The following CDK12 variants were observed in gnomAD, a reference collection of about 807,000 sequenced individuals.
The protein encoded by CDK12 is cyclin dependent kinase 12, also known as cyclin-dependent kinase 12.
Under a neutral mutation model 133.8 loss-of-function variants are expected in CDK12, and 17 were observed. The ratio of observed to expected loss-of-function variants is 0.13; its 90% confidence interval spans 0.09 to 0.19. The LOEUF is 0.19. CDK12 is among the 10% of genes least tolerant of loss of function. The pLI, the probability that CDK12 is intolerant of heterozygous loss-of-function variation, is 1.00. For missense variants in CDK12, 1,508 were observed against 1,818.7 expected (o/e 0.83, Z 3.11); for synonymous variants, 694 against 683.6 (o/e 1.02, Z -0.24).
chr17:39,530,441 A>G (rs991283539), intron 13 of CDK12, 163 bp from the exon 14 acceptor site: 8 of 987,960 alleles, frequency 8.1e-6, no homozygotes, highest in Non-Finnish European at 1.1e-5. Flanking sequence ...ACTTTTAATC[A>G]CTTGATTTAT....
intron 2 of CDK12, among the ~76,000 whole-genome samples, chr17:39,479,026 T>C (rs2050427600): frequency 6.6e-6 from 1 of 151,708 alleles, no homozygotes; most frequent in Non-Finnish European, 1.5e-5. Context: ...AGAAATCTAA[T>C]GGCCGGGTGC....
intron 4 of CDK12, among the ~76,000 whole-genome samples, chr17:39,493,166 G>GTTTTTTT (rs201228796): frequency 1.5e-5 from 2 of 132,494 alleles, no homozygotes; most frequent in Non-Finnish European, 3.1e-5. Context: ...ACTAATTTTT[G>GTTTTTTT]TTTTTTTTTT....
Position 39,516,467 on chromosome 17 carries a change from CCACCTTACCCTCCTGAGTAGCTTGGACTA to C in CDK12, c.2846+665_2846+693del, listed in dbSNP as rs370662629. 4.2e-3 allele frequency among the ~76,000 whole-genome samples: 637 copies of C among 151,452 alleles called. 7 individuals are homozygous for C. The highest frequency in any genetic ancestry group is 0.015 in the African/African-American group (606 of 41,234). The stretch of plus-strand genomic sequence containing the variant: ...AAACTCCTGCACTCAAGTGATCCTC[CCACCTTACCCTCCTGAGTAGCTTGGACTA>C]CACCTGTAGTCCCAGCTATTTTTCG... On this transcript the variant is annotated intron_variant, in intron 9 of 13. Transcript: ENST00000447079.
Position 39,501,190 on chromosome 17 carries a change from A to G in CDK12, c.2420-60A>G, listed in dbSNP as rs1362771430. Reference sequence around the variant, plus strand: ...CCAAAATTATATTAGGACTTGAGGCATTGTTATTTCAGCATTCTTTTTTTT... The same window carrying G: ...CCAAAATTATATTAGGACTTGAGGCGTTGTTATTTCAGCATTCTTTTTTTT... On this transcript the variant is annotated intron_variant, in intron 5 of 13. Transcript: ENST00000447079. 25 of 1,235,994 alleles carry G rather than the reference A, an allele frequency of 2.0e-5. No homozygotes were observed. The East Asian group carries it at 6.0e-4, about 30-fold the overall frequency. 76.6% of individuals were successfully genotyped at this position (1,235,994 alleles called of 1,614,324 possible).
intron 6 of CDK12, among the ~76,000 whole-genome samples, chr17:39,503,504 T>A (rs1187395011): frequency 6.6e-6 from 1 of 152,208 alleles, no homozygotes; most frequent in Non-Finnish European, 1.5e-5. Flanking sequence ...TTCTGGCCTA[T>A]AGTATAATAT....
At chr17:39,513,059 A>T (rs1226707697) in intron 8 of CDK12, among the ~76,000 whole-genome samples, 2 of 152,188 alleles carry the variant, frequency 1.3e-5, no homozygotes, top group African/African-American at 4.8e-5. Flanking sequence ...TTTGGTTCCA[A>T]GCTTGTCCTG....
chr17:39,510,062 A>T (rs1257667472), intron 7 of CDK12, among the ~76,000 whole-genome samples: 1 of 150,588 alleles, frequency 6.6e-6, no homozygotes, highest in African/African-American at 2.4e-5. Context: ...TCAGCCTCCC[A>T]AAGTGCCGGG....
intron 6 of CDK12, among the ~76,000 whole-genome samples, chr17:39,503,218 G>T (rs2052856128): frequency 6.6e-6 from 1 of 152,092 alleles, no homozygotes; most frequent in Admixed American, 6.6e-5. Flanking sequence ...GATTACAGGT[G>T]CCCACCACCA....
In CDK12 at chr17:39,481,789, C is replaced by T. The variant is rs149402853; in HGVS notation, c.1932-8768C>T. Among the ~76,000 whole-genome samples the T allele has an allele frequency of 5.0e-3, 764 of 151,388 alleles. 6 individuals are homozygous for T. The highest frequency in any genetic ancestry group is 0.01 in the Middle Eastern group (3 of 294). On this transcript the variant is annotated intron_variant, in intron 2 of 13. Coordinates refer to ENST00000447079, the MANE Select transcript of CDK12 (RefSeq NM_016507.4). Reference sequence around the variant, plus strand: ...AGGCTGGACTGCGATGGCACTATCTCGGCACACTGCAACCTCCGCCTCCCG... The same window carrying T: ...AGGCTGGACTGCGATGGCACTATCTTGGCACACTGCAACCTCCGCCTCCCG...
rs146164549 is a variant in CDK12, at chr17:39,552,040, T to C, written n.356+898T>C. 2.8e-3 allele frequency among the ~76,000 whole-genome samples: 429 copies of C among 152,080 alleles called. 2 individuals are homozygous for C. The Middle Eastern group carries it at 0.061, about 22-fold the overall frequency. On this transcript the variant is annotated intron_variant and non_coding_transcript_variant, in intron 2 of 3. Coordinates refer to the CDK12 transcript ENST00000558240. ...CCCCCACCCAAGAGTTGCCTTCTCT[T>C]CCCCATTTTATATCCCCAAATCCCC...
chr17:39,473,130 C>A (rs759910597), intron 2 of CDK12, among the ~76,000 whole-genome samples: 41 of 151,690 alleles, frequency 2.7e-4, no homozygotes, highest in Non-Finnish European at 1.9e-4. Context: ...GTCCCAGTAG[C>A]CCCCAAAATG....
At chr17:39,506,446 C>A (rs2053134891) in intron 6 of CDK12, among the ~76,000 whole-genome samples, 1 of 151,490 alleles carries the variant, frequency 6.6e-6, no homozygotes, top group Non-Finnish European at 1.5e-5. Context: ...AAACCTCTGA[C>A]CTCAAGTGAT....
chr17:39,500,374 T>A (rs1437055972), intron 5 of CDK12, among the ~76,000 whole-genome samples: 1 of 151,146 alleles, frequency 6.6e-6, no homozygotes, highest in Non-Finnish European at 1.5e-5. Flanking sequence ...GGCTGACGCC[T>A]GTAATCCCAA....
intron 6 of CDK12, among the ~76,000 whole-genome samples, chr17:39,506,762 A>G (rs1015347173): frequency 1.4e-4 from 22 of 152,318 alleles, no homozygotes; most frequent in Middle Eastern, 3.4e-3. Context: ...TCTTCTCAAA[A>G]GGCAAAAATG....
chr17:39,519,636 CT>C (rs1410279514), intron 10 of CDK12, among the ~76,000 whole-genome samples: 2 of 150,152 alleles, frequency 1.3e-5, no homozygotes, highest in East Asian at 3.9e-4. Flanking sequence ...GTTGCCCAGG[CT>C]GCAATGCAGT....
chr17:39,495,022 G>T (rs1598043932), intron 5 of CDK12, among the ~76,000 whole-genome samples: 1 of 151,252 alleles, frequency 6.6e-6, no homozygotes, highest in African/African-American at 2.4e-5. Flanking sequence ...CCGCCCGCCT[G>T]GGCCTCCCAA....
rs2054875873 is a variant in CDK12 at position 39,532,068 on chromosome 17, T to C, written c.*752T>C. ...GTAGGTAGACTTTACCCAGTCTCTT[T>C]CCTTTTTTGCTGATGTGTGCTCTCT... On this transcript the variant is annotated 3_prime_UTR_variant, in exon 14 of 14. Coordinates refer to ENST00000447079, the MANE Select transcript of CDK12 (RefSeq NM_016507.4). 4.4e-6 allele frequency: 1 copy of C among 229,088 alleles called. No homozygotes were observed. Among genetic ancestry groups the C allele is most frequent in the African/African-American group, 2.3e-5 (1 of 43,338 alleles). The allele number at this position is 229,088 out of a possible 1,614,324, so 14.2% of individuals were successfully genotyped here.
At chr17:39,495,384 GTTTTTTTTTT>G (rs60185847) in intron 5 of CDK12, among the ~76,000 whole-genome samples, 4 of 110,694 alleles carry the variant, frequency 3.6e-5, no homozygotes, top group East Asian at 2.6e-4. Flanking sequence ...GGCCTCATGT[GTTTTTTTTTT>G]TTTTTTTTTT....
intron 10 of CDK12, among the ~76,000 whole-genome samples, chr17:39,519,058 C>T (rs1299397178): frequency 1.3e-5 from 2 of 151,230 alleles, no homozygotes; most frequent in Non-Finnish European, 2.9e-5. Flanking sequence ...CGTGCCACCA[C>T]ACCCAGCTAA....
Sources: gnomAD v4.1 joint callset for allele counts (sites outside exome capture counted in the v4.1 genomes callset) on GRCh38, gnomAD v4.1.1 for gene constraint, MANE v1.5 for transcripts, NCBI Gene and HGNC (gene_info 2026-07-23, HGNC 2026-07-21) for gene names.